KHDRBS3: variants seen among roughly 807,000 people sequenced by gnomAD.
KHDRBS3 encodes KH domain-containing, RNA-binding, signal transduction-associated protein 3.
In KHDRBS3, 23 loss-of-function variants were observed where a neutral mutation model predicts 45.6. That is an observed-to-expected ratio of 0.50 (90% CI 0.36 to 0.72). KHDRBS3 has a LOEUF of 0.72. Among genes scored for constraint, KHDRBS3 ranks in the 30% least tolerant of loss-of-function variants. The probability of loss-of-function intolerance (pLI) is 0.00; values close to 1 mark genes in which losing one functional copy is unlikely to be tolerated. For synonymous variants in KHDRBS3, 162 were observed against 156.5 expected, an observed-to-expected ratio of 1.04 and a Z score of -0.26; for missense variants, 352 against 424.8, an observed-to-expected ratio of 0.83 and a Z score of 1.51.
At chr8:135,517,419 G>T (rs533598400) in intron 1 of KHDRBS3, among the ~76,000 whole-genome samples, 1 of 152,250 alleles carries the variant, frequency 6.6e-6, no homozygotes, top group South Asian at 2.1e-4. Context: ...GGGAAGATGA[G>T]AGCGGTAGTA....
At chr8:135,629,909 A>G (rs1039608621) in intron 7 of KHDRBS3, among the ~76,000 whole-genome samples, 5 of 152,234 alleles carry the variant, frequency 3.3e-5, no homozygotes, top group African/African-American at 1.2e-4. Context: ...CCACCCATAT[A>G]GTAACTTCTG....
chr8:135,533,872 C>T (rs1310731707), intron 2 of KHDRBS3, among the ~76,000 whole-genome samples: 3 of 152,096 alleles, frequency 2.0e-5, no homozygotes, highest in Non-Finnish European at 4.4e-5. Context: ...TATAGTTGGG[C>T]AAAATCATTT....
At chr8:135,641,742 T>G (rs1831067553) in intron 7 of KHDRBS3, among the ~76,000 whole-genome samples, 1 of 152,228 alleles carries the variant, frequency 6.6e-6, no homozygotes, top group African/African-American at 2.4e-5. Flanking sequence ...GGCCCAGGCC[T>G]TGACTGACAG....
At chr8:135,460,702 C>T (rs1478639272) in intron 1 of KHDRBS3, among the ~76,000 whole-genome samples, 3 of 152,208 alleles carry the variant, frequency 2.0e-5, no homozygotes, top group Non-Finnish European at 4.4e-5. Context: ...TCTGTCTGCA[C>T]TTGCCTTCTT....
intron 7 of KHDRBS3, among the ~76,000 whole-genome samples, chr8:135,641,677 G>A (rs997435215): frequency 2.6e-5 from 4 of 152,208 alleles, no homozygotes; most frequent in African/African-American, 7.2e-5. Flanking sequence ...TTTGGCAGAT[G>A]AACAGGAAGA....
intron 5 of KHDRBS3, among the ~76,000 whole-genome samples, chr8:135,558,723 AACTT>A (rs1827016289): frequency 6.6e-6 from 1 of 152,234 alleles, no homozygotes; most frequent in South Asian, 2.1e-4. Context: ...AAATCTTAGG[AACTT>A]ACTTACCTGC....
At chr8:135,476,899 A>G (rs1267501129) in intron 1 of KHDRBS3, among the ~76,000 whole-genome samples, 1 of 152,230 alleles carries the variant, frequency 6.6e-6, no homozygotes, top group Non-Finnish European at 1.5e-5. Flanking sequence ...AGTGAATTTT[A>G]CCAGCAATTG....
intron 6 of KHDRBS3, among the ~76,000 whole-genome samples, chr8:135,605,267 C>A (rs780696588): frequency 5.9e-5 from 9 of 151,964 alleles, no homozygotes; most frequent in Admixed American, 1.3e-4. Flanking sequence ...TTTATATGCT[C>A]ATGTATTTTC....
rs186921061 is a variant in KHDRBS3 at position 135,553,330 on chromosome 8, G to A, written c.472-4118G>A. On this transcript the variant is annotated intron_variant, in intron 4 of 8. Transcript: ENST00000355849. ...TAAAATGGTTACTTTGAACCATTTC[G>A]TCAGTTTTTATTTTGCTTTTTATGG... 4.7e-3 allele frequency among the ~76,000 whole-genome samples: 711 copies of A among 152,080 alleles called. 8 individuals are homozygous for A. The highest frequency in any genetic ancestry group is 0.013 in the African/African-American group (548 of 41,514).
chr8:135,565,796 T>C (rs531100781), intron 5 of KHDRBS3, among the ~76,000 whole-genome samples: 1 of 152,326 alleles, frequency 6.6e-6, no homozygotes, highest in Admixed American at 6.5e-5. Context: ...TCTTGGCTGC[T>C]CAGCATGCCC....
chr8:135,520,730 T>C (rs1319888030), intron 1 of KHDRBS3, among the ~76,000 whole-genome samples: 2 of 152,154 alleles, frequency 1.3e-5, no homozygotes, highest in East Asian at 3.9e-4. Context: ...TAGCATATAG[T>C]TGATATGTGT....
intron 6 of KHDRBS3, among the ~76,000 whole-genome samples, chr8:135,595,138 G>T (rs1019312021): frequency 6.6e-6 from 1 of 152,114 alleles, no homozygotes; most frequent in East Asian, 1.9e-4. Context: ...TTTATATAAA[G>T]CTCAAAGCCG....
chr8:135,526,574 A>G lies in KHDRBS3; in HGVS notation c.207+5219A>G, dbSNP rs1825200279. On this transcript the variant is annotated intron_variant, in intron 2 of 8. Transcript: ENST00000355849. ...AGCTTTCATGCTTGTGTCAGTTAAT[A>G]GAATGAACTGGAGGAAACGAAATAG... Among the ~76,000 whole-genome samples, 3 of 152,206 alleles carry G rather than the reference A, an allele frequency of 2.0e-5. No homozygotes were observed. In the South Asian group the frequency reaches 6.2e-4, roughly 31 times the overall value.
intron 1 of KHDRBS3, among the ~76,000 whole-genome samples, chr8:135,500,169 A>T (rs1258139399): frequency 2.6e-5 from 4 of 152,156 alleles, no homozygotes; most frequent in African/African-American, 9.7e-5. Context: ...TTTCAAGAGG[A>T]GATGAAAGTT....
intron 5 of KHDRBS3, among the ~76,000 whole-genome samples, chr8:135,557,812 G>A (rs778723891): frequency 1.3e-5 from 2 of 152,124 alleles, no homozygotes; most frequent in African/African-American, 4.8e-5. Context: ...TGTGGGCAAC[G>A]TAGTGAGACC....
intron 4 of KHDRBS3, among the ~76,000 whole-genome samples, chr8:135,555,755 TATACTTTAAGTTCTGGGTTAC>T (rs1329095004): frequency 6.6e-6 from 1 of 152,232 alleles, no homozygotes; most frequent in African/African-American, 2.4e-5. Context: ...TGTTTTTTAT[TATACTTTAAGTTCTGGGTTAC>T]ATGTGCAGAA....
At chr8:135,474,156 A>G (rs935666861) in intron 1 of KHDRBS3, among the ~76,000 whole-genome samples, 3 of 151,636 alleles carry the variant, frequency 2.0e-5, no homozygotes, top group African/African-American at 7.3e-5. Flanking sequence ...ACACCTTTCC[A>G]GAAGAGTTTT....
At chr8:135,499,522 C>G (rs1174550240) in intron 1 of KHDRBS3, among the ~76,000 whole-genome samples, 1 of 152,180 alleles carries the variant, frequency 6.6e-6, no homozygotes, top group South Asian at 2.1e-4. Flanking sequence ...AATTGCAACA[C>G]TTTTCTTATC....
chr8:135,563,151 T>A lies in KHDRBS3; in HGVS notation c.611+5564T>A, dbSNP rs1827245975. On this transcript the variant is annotated intron_variant, in intron 5 of 8. Transcript: ENST00000355849. ...AAATCCTTCAGTGGCTCCTTTCCAG[T>A]TAGAAGGGAATCCACACTTCCTCAT... 5.3e-5 allele frequency among the ~76,000 whole-genome samples: 8 copies of A among 152,314 alleles called. 1 individual carries two copies. The South Asian group carries it at 1.7e-3, about 32-fold the overall frequency.
Sources: allele counts gnomAD v4.1 joint callset (sites outside exome capture counted in the v4.1 genomes callset), GRCh38; gene constraint gnomAD v4.1.1; transcripts MANE v1.5; gene names NCBI Gene and HGNC (gene_info 2026-07-23, HGNC 2026-07-21).